The following SRC variants were observed in gnomAD, a reference collection of about 807,000 sequenced individuals.
SRC encodes proto-oncogene tyrosine-protein kinase Src.
A neutral mutation model predicts 62.9 loss-of-function variants in SRC; 13 were observed. That is an observed-to-expected ratio of 0.21 (90% CI 0.13 to 0.33). The LOEUF (loss-of-function observed/expected upper bound fraction) is 0.33, where lower values mean the gene tolerates loss of function less well. Ranked by LOEUF, SRC falls within the 10% of genes least tolerant of loss-of-function variation. The probability of loss-of-function intolerance (pLI) is 1.00; values close to 1 mark genes in which losing one functional copy is unlikely to be tolerated. For synonymous variants in SRC, 302 were observed against 317.5 expected, an observed-to-expected ratio of 0.95 and a Z score of 0.52; for missense variants, 457 against 737.3, an observed-to-expected ratio of 0.62 and a Z score of 4.40.
intron 7 of SRC, among the ~76,000 whole-genome samples, chr20:37,394,790 C>T (rs193283104): frequency 6.6e-6 from 1 of 152,358 alleles, no homozygotes; most frequent in East Asian, 1.9e-4. Context: ...GGCAGCCAAG[C>T]TGAGCTGCTT....
At chr20:37,383,530 G>A (rs912999014) in intron 3 of SRC, 43 of 152,530 alleles carry the variant, frequency 2.8e-4, no homozygotes, top group African/African-American at 1.0e-3. Context: ...CAGGAGGGAG[G>A]GAAACAGTGA....
chr20:37,373,168 A>G (rs1268475088), intron 2 of SRC, among the ~76,000 whole-genome samples: 3 of 151,910 alleles, frequency 2.0e-5, no homozygotes, highest in East Asian at 1.9e-4. Context: ...ACACACATAT[A>G]TGTACACACA....
chr20:37,401,972 C>T (rs958379773), intron 11 of SRC: 3 of 390,600 alleles, frequency 7.7e-6, no homozygotes, highest in African/African-American at 6.2e-5. Context: ...CAGACGTGTT[C>T]ATGCTTGCTG....
At position 37,383,292 on chromosome 20, in the gene SRC, G is replaced by GC. The variant is rs1315730309; in HGVS notation, c.-5+507dup. On this transcript the variant is annotated intron_variant, in intron 3 of 13. Transcript: ENST00000373578. Reference sequence around the variant, plus strand: ...ACCCTGGTGAAGTGGCCAGGGAACAGCATTTGGGCAGTGGGAATGGTATGT... The same window carrying GC: ...ACCCTGGTGAAGTGGCCAGGGAACAGCCATTTGGGCAGTGGGAATGGTATGT... Among the ~76,000 whole-genome samples, 3 of 152,236 alleles carry GC rather than the reference G, an allele frequency of 2.0e-5. No individual in the cohort carries two copies. The East Asian group carries it at 5.8e-4, about 29-fold the overall frequency.
chr20:37,384,508 C>A lies in SRC; in HGVS notation c.250+105C>A, dbSNP rs1231920354. 6.9e-6 allele frequency: 8 copies of A among 1,163,206 alleles called. No individual in the cohort carries two copies. The highest frequency in any genetic ancestry group is 7.5e-6 in the Non-Finnish European group (7 of 930,052). The allele number at this position is 1,163,206 out of a possible 1,614,324, so 72.1% of individuals were successfully genotyped here. A position where few individuals can be genotyped will look rare whatever the true frequency, so the allele number is the denominator to read the frequency against. On this transcript the variant is annotated intron_variant, in intron 4 of 13. Coordinates refer to ENST00000373578, the MANE Select transcript of SRC (RefSeq NM_198291.3). The surrounding 1 kb of genome is among the most constrained non-coding windows in gnomAD (Gnocchi z 6.7). ...CCCCCTCTGCGCAGGCCCTTCCTCT[C>A]GCCAGGGGTAGCGCCCCTGGGTGAC...
At position 37,384,260 on chromosome 20, in the gene SRC, A is replaced by C; in HGVS notation, c.107A>C (p.Gln36Pro). ...GAGGGAFPAS[Q>P]TPSKPASADG... ...GGCGGGGGCGCTTTCCCCGCCTCGC[A>C]GACCCCCAGCAAGCCAGCCTCGGCC... The change falls in exon 4 of 14, where the codon CAG becomes CCG. Residue 36 changes from glutamine to proline, a missense_variant. Transcript: ENST00000373578. This position sits in a 1 kb window ranked among gnomAD's most constrained non-coding sequence, Gnocchi z 6.7. 1 of 1,560,398 alleles carries C rather than the reference A, an allele frequency of 6.4e-7. No individual in the cohort carries two copies. The highest frequency in any genetic ancestry group is 8.6e-7 in the Non-Finnish European group (1 of 1,162,352).
chr20:37,405,710 G>C lies in SRC; in HGVS notation c.*2331G>C, dbSNP rs1348320578. On this transcript the variant is annotated 3_prime_UTR_variant, in exon 14 of 14. Transcript: ENST00000373578. ...AATGTCCGTGGTGGATGGTAGCAGT[G>C]ACATTGGGGAGTGGGTGGGGCTGTC... The C allele has an allele frequency of 6.5e-6, 1 of 154,232 alleles. No homozygotes were observed. The highest frequency in any genetic ancestry group is 6.5e-5 in the Admixed American group (1 of 15,328). 9.6% of individuals were successfully genotyped at this position (154,232 alleles called of 1,614,324 possible).
In SRC at chr20:37,404,139, A is replaced by G. The variant is rs1021649682; in HGVS notation, c.*760A>G. The G allele has an allele frequency of 4.3e-6, 1 of 233,782 alleles. No homozygotes were observed. Among genetic ancestry groups the G allele is most frequent in the Non-Finnish European group, 8.5e-6 (1 of 118,100 alleles). 14.5% of individuals were successfully genotyped at this position (233,782 alleles called of 1,614,324 possible). A position where few individuals can be genotyped will look rare whatever the true frequency, so the allele number is the denominator to read the frequency against. On this transcript the variant is annotated 3_prime_UTR_variant, in exon 14 of 14. Coordinates refer to ENST00000373578, the MANE Select transcript of SRC (RefSeq NM_198291.3). ...CTTGGAACCCGGTGCTCCCTCTGTC[A>G]TCCTCAGGAACCAACAATTCGTCGG... is the stretch of plus-strand genomic sequence containing the variant.
chr20:37,346,907 C>T (rs933748787), intron 1 of SRC, among the ~76,000 whole-genome samples: 6 of 152,194 alleles, frequency 3.9e-5, no homozygotes, highest in African/African-American at 1.4e-4. Context: ...GGTTGGCCAC[C>T]GGGCCAGGTC....
intron 2 of SRC, among the ~76,000 whole-genome samples, chr20:37,378,161 C>CTTTTT (rs770833912): frequency 1.7e-4 from 21 of 122,944 alleles, no homozygotes; most frequent in African/African-American, 6.0e-4. Flanking sequence ...TCTTTCTTCT[C>CTTTTT]TTTTTTTTTT....
Position 37,402,787 on chromosome 20 carries a change from G to T in SRC, c.1309G>T (p.Ala437Ser). 1 of 1,613,838 alleles carries T rather than the reference G, an allele frequency of 6.2e-7. No homozygotes were observed. The highest frequency in any genetic ancestry group is 8.5e-7 in the Non-Finnish European group (1 of 1,179,898). ...FPIKWTAPEA[A>S]LYGRFTIKSD... ...CATCAAGTGGACGGCTCCAGAAGCT[G>T]CCCTCTATGGCCGCTTCACCATCAA... Residue 437 changes from alanine to serine, a missense_variant, in exon 13 of 14, where the codon GCC becomes TCC. Transcript: ENST00000373578. The surrounding 1 kb of genome is among the most constrained non-coding windows in gnomAD (Gnocchi z 6.2).
At chr20:37,380,836 A>T (rs545384920) in intron 2 of SRC, among the ~76,000 whole-genome samples, 3 of 152,062 alleles carry the variant, frequency 2.0e-5, no homozygotes, top group African/African-American at 7.2e-5. Flanking sequence ...GGGCAGAATT[A>T]TGGGGCATTT....
intron 1 of SRC, among the ~76,000 whole-genome samples, chr20:37,347,405 T>C (rs2069737833): frequency 6.6e-6 from 1 of 152,254 alleles, no homozygotes; most frequent in African/African-American, 2.4e-5. Context: ...ACTGCCCCTC[T>C]AAGTCCCTAT....
At chr20:37,370,226 T>G (rs943299263) in intron 2 of SRC, among the ~76,000 whole-genome samples, 6 of 152,248 alleles carry the variant, frequency 3.9e-5, no homozygotes, top group Non-Finnish European at 7.3e-5. Flanking sequence ...TATTACCTGG[T>G]TCTTGACCTT....
intron 4 of SRC, among the ~76,000 whole-genome samples, chr20:37,385,178 G>GACACAGACACACT (rs869148983): frequency 9.5e-6 from 1 of 104,900 alleles, no homozygotes; most frequent in Non-Finnish European, 1.8e-5. Context: ...AGAGACACAC[G>GACACAGACACACT]CTCAGCTGGA....
At chr20:37,381,181 A>G (rs1032732257) in intron 2 of SRC, among the ~76,000 whole-genome samples, 1 of 152,038 alleles carries the variant, frequency 6.6e-6, no homozygotes, top group African/African-American at 2.4e-5. Context: ...ACCATCAAAC[A>G]TTGCACTTGG....
chr20:37,348,578 G>A (rs925338557), intron 1 of SRC, among the ~76,000 whole-genome samples: 3 of 152,130 alleles, frequency 2.0e-5, no homozygotes, highest in East Asian at 3.9e-4. Flanking sequence ...AGCTGAGGAC[G>A]AGCAAGAGTT....
At chr20:37,400,402 G>A (rs1187503452) in intron 10 of SRC, 108 bp downstream of exon 10, 3 of 1,010,978 alleles carry the variant, frequency 3.0e-6, no homozygotes, top group Non-Finnish European at 2.8e-6. Context: ...AAGGTGGAAT[G>A]CAGTAGAGCC....
At position 37,351,811 on chromosome 20, in the gene SRC, A is replaced by T. The variant is rs1032124768; in HGVS notation, c.-247+5556A>T. Among the ~76,000 whole-genome samples the T allele has an allele frequency of 6.6e-6, 1 of 152,230 alleles. No homozygotes were observed. The highest frequency in any genetic ancestry group is 1.5e-5 in the Non-Finnish European group (1 of 68,044). On this transcript the variant is annotated intron_variant, in intron 1 of 13. Transcript: ENST00000373578. The surrounding 1 kb of genome is among the most constrained non-coding windows in gnomAD (Gnocchi z 4.4). ...CAGAGAGGCTAAGAGCTGGGGCCAC[A>T]GGAGTGCAGCAAAGTGAGGTGTGAG...
Sources: allele counts gnomAD v4.1 joint callset (sites outside exome capture counted in the v4.1 genomes callset), GRCh38; gene constraint gnomAD v4.1.1; non-coding constraint Gnocchi (gnomAD v3.1); transcripts MANE v1.5; gene names NCBI Gene and HGNC (gene_info 2026-07-23, HGNC 2026-07-21).